Variants in TFAP2B observed in about 807,000 individuals in gnomAD.
TFAP2B encodes transcription factor AP-2-beta.
Under a neutral mutation model 44.3 loss-of-function variants are expected in TFAP2B, and 9 were observed. That is an observed-to-expected ratio of 0.20 (90% CI 0.12 to 0.35). The LOEUF (loss-of-function observed/expected upper bound fraction) is 0.35. Ranked by LOEUF, TFAP2B falls within the 10% of genes least tolerant of loss-of-function variation. TFAP2B has a pLI of 1.00. For missense variants in TFAP2B, 509 were observed against 600.0 expected (o/e 0.85, Z 1.59); for synonymous variants, 270 against 263.8 (o/e 1.02, Z -0.23).
At chr6:50,825,002 A>T (rs890985913) in intron 2 of TFAP2B, among the ~76,000 whole-genome samples, 1 of 152,206 alleles carries the variant, frequency 6.6e-6, no homozygotes, top group South Asian at 2.1e-4. Context: ...TGGGAAAGAG[A>T]AGAGGGTGCA....
chr6:50,839,082 A>G lies in TFAP2B; in HGVS notation c.940+989A>G, dbSNP rs72890695. The stretch of plus-strand genomic sequence containing the variant: ...ACCCTCCAGAGGCAGGAATCACTGA[A>G]ATTTCCAGACCACACTTACTAGTGG... On this transcript the variant is annotated intron_variant, in intron 5 of 6. Transcript: ENST00000393655. Among the ~76,000 whole-genome samples, 1,053 of 152,292 alleles carry G rather than the reference A, an allele frequency of 6.9e-3. 9 individuals carry two copies. Among genetic ancestry groups the G allele is most frequent in the Non-Finnish European group, 0.01 (711 of 68,020 alleles).
chr6:50,826,192 G>A (rs1770499016), intron 2 of TFAP2B, among the ~76,000 whole-genome samples: 1 of 151,920 alleles, frequency 6.6e-6, no homozygotes, highest in African/African-American at 2.4e-5. Context: ...CTTTAAAAGG[G>A]CCTGCACTGG....
At position 50,846,997 on chromosome 6, in the gene TFAP2B, T is replaced by C. The variant is rs1315973301; in HGVS notation, c.*3605T>C. Reference sequence around the variant, plus strand: ...TGGAAAACTCGAAACCTCGAGCTTATCTACACACTGTTCCTCTGCTACAAT... The same window carrying C: ...TGGAAAACTCGAAACCTCGAGCTTACCTACACACTGTTCCTCTGCTACAAT... On this transcript the variant is annotated 3_prime_UTR_variant, in exon 7 of 7. Transcript: ENST00000393655. 6.6e-6 allele frequency: 1 copy of C among 152,658 alleles called. No homozygotes were observed. Among genetic ancestry groups the C allele is most frequent in the African/African-American group, 2.4e-5 (1 of 41,442 alleles). 9.5% of individuals were successfully genotyped at this position (152,658 alleles called of 1,614,324 possible). A position where few individuals can be genotyped will look rare whatever the true frequency, so the allele number is the denominator to read the frequency against.
chr6:50,821,882 G>A (rs2817380), intron 1 of TFAP2B: 7,519 of 299,544 alleles, frequency 0.025, 521 homozygotes, highest in African/African-American at 0.16. Context: ...CTGGAGCCCC[G>A]AAGAACGGCA....
chr6:50,840,610 A>G (rs1392001124), intron 6 of TFAP2B, among the ~76,000 whole-genome samples: 1 of 152,002 alleles, frequency 6.6e-6, no homozygotes. Flanking sequence ...GAAGGTGCAT[A>G]TTTCTGCTTG....
At chr6:50,822,243 G>T (rs1035033075) in intron 1 of TFAP2B, 20 of 1,116,594 alleles carry the variant, frequency 1.8e-5, no homozygotes, top group African/African-American at 8.1e-5. Flanking sequence ...GTGTGTGTGT[G>T]TGTCTCACAC....
At chr6:50,840,519 T>C (rs1022224868) in intron 6 of TFAP2B, among the ~76,000 whole-genome samples, 1 of 152,228 alleles carries the variant, frequency 6.6e-6, no homozygotes, top group Admixed American at 6.5e-5. Context: ...TCCAGCCTTC[T>C]TACAATTCTC....
At chr6:50,835,504 T>C (rs1456896351) in intron 3 of TFAP2B, among the ~76,000 whole-genome samples, 2 of 152,188 alleles carry the variant, frequency 1.3e-5, no homozygotes, top group East Asian at 3.9e-4. Flanking sequence ...TTGGGCATAG[T>C]ATCTGATGGG....
chr6:50,819,500 G>C (rs1309110594), intron 1 of TFAP2B, among the ~76,000 whole-genome samples: 1 of 152,172 alleles, frequency 6.6e-6, no homozygotes, highest in Non-Finnish European at 1.5e-5. Context: ...GATATGGATG[G>C]ATAGAGCAAA....
intron 1 of TFAP2B, among the ~76,000 whole-genome samples, 184 bp from the exon 2 acceptor site, chr6:50,823,223 T>G (rs1281703631): frequency 6.6e-6 from 1 of 152,088 alleles, no homozygotes; most frequent in Non-Finnish European, 1.5e-5. Context: ...CTGAGTCAAC[T>G]TGGGGGTCTA....
In TFAP2B at chr6:50,845,308, T is replaced by C. The variant is rs1038720650; in HGVS notation, c.*1916T>C. On this transcript the variant is annotated 3_prime_UTR_variant, in exon 7 of 7. Transcript: ENST00000393655. ...GGTTTTGCCCCCCTCCCGCTTTGCC[T>C]TGGTGGGGGTGGGGATTGGGGGAGT... 3 of 152,196 alleles carry C rather than the reference T, an allele frequency of 2.0e-5. No homozygotes were observed. Among genetic ancestry groups the C allele is most frequent in the Admixed American group, 2.0e-4 (3 of 15,278 alleles). 9.4% of individuals were successfully genotyped at this position (152,196 alleles called of 1,614,324 possible). A position where few individuals can be genotyped will look rare whatever the true frequency, so the allele number is the denominator to read the frequency against.
intron 3 of TFAP2B, among the ~76,000 whole-genome samples, chr6:50,834,659 A>C (rs946904381): frequency 2.0e-5 from 3 of 152,306 alleles, no homozygotes; most frequent in African/African-American, 7.2e-5. Flanking sequence ...CATAGAAGGG[A>C]TGTTATGCAT....
chr6:50,818,968 A>G lies in TFAP2B; in HGVS notation c.77A>G (p.Tyr26Cys). The G allele has an allele frequency of 1.9e-6, 3 of 1,614,144 alleles. No homozygotes were observed. The highest frequency in any genetic ancestry group is 1.7e-5 in the Admixed American group (1 of 60,034). The part of the protein sequence containing the change: ...LVENVKYEDI[Y>C]EDRHDGVPSH... Reference sequence around the variant, plus strand: ...GAGAATGTCAAGTACGAAGATATCTATGAGGTGAGTCGACACCCCCAGATG... The same window carrying G: ...GAGAATGTCAAGTACGAAGATATCTGTGAGGTGAGTCGACACCCCCAGATG... The change falls in exon 1 of 7, where the codon TAT becomes TGT. Residue 26 changes from tyrosine (Y) to cysteine (C), a missense_variant. Around this residue, in one of 3 missense-constraint regions of TFAP2B, gnomAD observed 296 missense variants for 308.2 expected, o/e 0.96. Coordinates refer to ENST00000393655, the MANE Select transcript of TFAP2B (RefSeq NM_003221.4).
intron 1 of TFAP2B, chr6:50,822,249 C>T (rs1770373447): frequency 8.9e-7 from 1 of 1,117,614 alleles, no homozygotes; most frequent in Non-Finnish European, 1.2e-6. Context: ...GTGTGTGTCT[C>T]ACACTCTCTG....
At chr6:50,836,714 AGT>A (rs1313495180) in intron 4 of TFAP2B, among the ~76,000 whole-genome samples, 1 of 151,318 alleles carries the variant, frequency 6.6e-6, no homozygotes, top group Non-Finnish European at 1.5e-5. Context: ...TCATACCTTC[AGT>A]GTACTCTTTC....
chr6:50,823,754 G>C lies in TFAP2B; in HGVS notation c.429G>C (p.Ser143=). Residue 143 remains serine (S), a synonymous_variant, in exon 2 of 7, where the codon TCG becomes TCC. Coordinates refer to ENST00000393655, the MANE Select transcript of TFAP2B (RefSeq NM_003221.4). ...TTGACCCCCGGAGGGACTACCACTC[G>C]GTCCGCCGGCCGGACGTGCTGCTGC... is the stretch of plus-strand genomic sequence containing the variant. ...SGLDPRRDYH[S]VRRPDVLLHS... 2.5e-6 allele frequency: 4 copies of C among 1,606,070 alleles called. No individual in the cohort carries two copies. Among genetic ancestry groups the C allele is most frequent in the Non-Finnish European group, 2.6e-6 (3 of 1,176,266 alleles).
At position 50,828,480 on chromosome 6, in the gene TFAP2B, G is replaced by GTAA. The variant is rs1161771860; in HGVS notation, c.541-126_541-124dup. On this transcript the variant is annotated intron_variant, in intron 2 of 6. Coordinates refer to ENST00000393655, the MANE Select transcript of TFAP2B (RefSeq NM_003221.4). ...ATTTCATTTCTATGTCTATTTGGAGGTAATAATAATAATAAAACAGCCCTT... is the reference window on the plus strand; with the variant it reads ...ATTTCATTTCTATGTCTATTTGGAGGTAATAATAATAATAATAAAACAGCCCTT... The GTAA allele has an allele frequency of 4.3e-6, 3 of 699,152 alleles. No homozygotes were observed. The East Asian group carries it at 8.2e-5, about 19-fold the overall frequency. 43.3% of individuals were successfully genotyped at this position (699,152 alleles called of 1,614,324 possible).
intron 2 of TFAP2B, among the ~76,000 whole-genome samples, chr6:50,825,473 G>A (rs544503012): frequency 1.3e-5 from 2 of 152,152 alleles, no homozygotes; most frequent in African/African-American, 4.8e-5. Flanking sequence ...TGACTCTAGC[G>A]AAGGAACTCA....
At chr6:50,822,252 ACT>A (rs1039814475) in intron 1 of TFAP2B, 75 of 1,096,128 alleles carry the variant, frequency 6.8e-5, no homozygotes, top group African/African-American at 1.2e-4. Context: ...TGTGTCTCAC[ACT>A]CTCTGTCTCT....
Sources: allele counts gnomAD v4.1 joint callset (sites outside exome capture counted in the v4.1 genomes callset), GRCh38; gene constraint gnomAD v4.1.1; regional missense constraint gnomAD v4.1.1; transcripts MANE v1.5; gene names NCBI Gene and HGNC (gene_info 2026-07-23, HGNC 2026-07-21).